Variants in PNPLA7 observed in about 807,000 individuals in gnomAD.
PNPLA7 encodes the protein patatin-like phospholipase domain-containing protein 7.
Under a neutral mutation model 161.7 loss-of-function variants are expected in PNPLA7, and 153 were observed. That is an observed-to-expected ratio of 0.95 (90% CI 0.83 to 1.08). PNPLA7 has a LOEUF of 1.08. Among genes scored for constraint, PNPLA7 ranks in the 50% least tolerant of loss-of-function variants. The pLI is 0.00. For synonymous variants in PNPLA7, 809 were observed against 782.1 expected, an observed-to-expected ratio of 1.03 and a Z score of -0.57; for missense variants, 1,739 against 1,856.6, an observed-to-expected ratio of 0.94 and a Z score of 1.16.
At chr9:137,466,853 C>T (rs1246306443) in intron 26 of PNPLA7, among the ~76,000 whole-genome samples, 5 of 143,620 alleles carry the variant, frequency 3.5e-5, no homozygotes, top group South Asian at 2.3e-4. Flanking sequence ...ACCTCAGACC[C>T]GGGCACGGAT....
chr9:137,502,449 C>G (rs1180399489), intron 14 of PNPLA7, among the ~76,000 whole-genome samples: 5 of 150,614 alleles, frequency 3.3e-5, no homozygotes, highest in Non-Finnish European at 5.9e-5. Flanking sequence ...GAAATGACAT[C>G]ACATGTCGCC....
intron 4 of PNPLA7, among the ~76,000 whole-genome samples, chr9:137,545,919 C>G (rs1836492147): frequency 6.6e-6 from 1 of 152,102 alleles, no homozygotes; most frequent in Non-Finnish European, 1.5e-5. Context: ...ACTTAGCAGA[C>G]AGGGAAAGGG....
In PNPLA7 at chr9:137,463,505, T is replaced by C. The variant is rs764349757; in HGVS notation, c.3253A>G (p.Ser1085Gly). The C allele has an allele frequency of 1.9e-6, 3 of 1,587,986 alleles. No homozygotes were observed. Among genetic ancestry groups the C allele is most frequent in the Non-Finnish European group, 1.7e-6 (2 of 1,167,528 alleles). The change falls in exon 29 of 35, where the codon AGC becomes GGC. Residue 1085 changes from serine (S) to glycine (G), a missense_variant. This residue lies in a region of PNPLA7 where 703 missense variants were observed against 694.6 expected (regional missense o/e 1.01). Transcript: ENST00000406427. Reference protein sequence around the residue: ...DGSLWWYVRASMSLSGYMPPL... With the variant: ...DGSLWWYVRAGMSLSGYMPPL... ...GGCATGTAACCGGACAGGGACATGC[T>C]GGCACGCACGTACCACCACAGGGAG... is the stretch of plus-strand genomic sequence containing the variant.
At chr9:137,548,110 G>C (rs913451663) in intron 1 of PNPLA7, among the ~76,000 whole-genome samples, 3 of 152,226 alleles carry the variant, frequency 2.0e-5, no homozygotes, top group African/African-American at 7.2e-5. Flanking sequence ...CGGCCGAGAA[G>C]GCTCTGTGTC....
chr9:137,473,434 T>G (rs1205464023), intron 25 of PNPLA7, among the ~76,000 whole-genome samples: 2 of 152,092 alleles, frequency 1.3e-5, no homozygotes, highest in Non-Finnish European at 2.9e-5. Context: ...CTCAGAACAC[T>G]GGAATTAATA....
intron 26 of PNPLA7, among the ~76,000 whole-genome samples, chr9:137,465,045 C>T (rs557819939): frequency 2.6e-5 from 4 of 152,324 alleles, no homozygotes; most frequent in East Asian, 1.9e-4. Flanking sequence ...CTCAAACTAG[C>T]CTCAATGCCC....
intron 19 of PNPLA7, 68 bp downstream of exon 19, chr9:137,494,965 A>T: frequency 7.1e-7 from 1 of 1,408,096 alleles, no homozygotes; most frequent in East Asian, 2.3e-5. Context: ...CTCCGCCCTC[A>T]CCTGTTCCAT....
intron 32 of PNPLA7, 32 bp downstream of exon 32, chr9:137,461,899 G>A (rs573533710): frequency 2.0e-6 from 3 of 1,517,036 alleles, no homozygotes; most frequent in East Asian, 2.5e-5. Flanking sequence ...GCGGTCCGGG[G>A]AGCTGGGCGT....
In PNPLA7 at chr9:137,499,470, A is replaced by G. The variant is rs1285549450; in HGVS notation, c.1757+1221T>C. 6.6e-6 allele frequency among the ~76,000 whole-genome samples: 1 copy of G among 152,162 alleles called. No individual in the cohort carries two copies. On this transcript the variant is annotated intron_variant, in intron 16 of 34. Transcript: ENST00000406427. This position sits in a 1 kb window ranked among gnomAD's most constrained non-coding sequence, Gnocchi z 5.5. ...CGCCATCCGTCCTGATCTCCCTGGC[A>G]CTGATGTGGAGCAGCTGGGGATGCT...
In PNPLA7 at chr9:137,547,017, G is replaced by T; in HGVS notation, c.194-108C>A. On this transcript the variant is annotated intron_variant, in intron 3 of 34. Transcript: ENST00000406427. The surrounding 1 kb of genome is among the most constrained non-coding windows in gnomAD (Gnocchi z 4.6). ...ATACTCTCGTCCCTGCCAGTAACTG[G>T]CCATACTCAGACAGCATGAGGGAAG... The T allele has an allele frequency of 9.5e-7, 1 of 1,057,628 alleles. No individual in the cohort carries two copies. 65.5% of individuals were successfully genotyped at this position (1,057,628 alleles called of 1,614,324 possible). A position where few individuals can be genotyped will look rare whatever the true frequency, so the allele number is the denominator to read the frequency against.
At chr9:137,512,505 G>A (rs1169100700) in intron 12 of PNPLA7, among the ~76,000 whole-genome samples, 2 of 152,260 alleles carry the variant, frequency 1.3e-5, no homozygotes, top group Non-Finnish European at 2.9e-5. Context: ...GGTAACAAGA[G>A]GAGCATGAAC....
chr9:137,521,902 C>T (rs553399140), intron 9 of PNPLA7, among the ~76,000 whole-genome samples, 186 bp from the exon 10 acceptor site: 26 of 152,244 alleles, frequency 1.7e-4, no homozygotes, highest in African/African-American at 3.6e-4. Context: ...GTTCACATCA[C>T]GGGGAATGGG....
rs1228687981 is a variant in PNPLA7 at position 137,486,921 on chromosome 9, C to G, written c.2198-2185G>C. 6.6e-6 allele frequency among the ~76,000 whole-genome samples: 1 copy of G among 152,072 alleles called. No homozygotes were observed. Among genetic ancestry groups the G allele is most frequent in the Non-Finnish European group, 1.5e-5 (1 of 67,990 alleles). On this transcript the variant is annotated intron_variant, in intron 20 of 34. Coordinates refer to ENST00000406427, the MANE Select transcript of PNPLA7 (RefSeq NM_001098537.3). This position sits in a 1 kb window ranked among gnomAD's most constrained non-coding sequence, Gnocchi z 6.0. ...ACACCACACAGCTCTCTTCCTGGCC[C>G]CAAGGGTCCTGACCTCCTCAGGGAG...
Position 137,499,774 on chromosome 9 carries a change from T to A in PNPLA7, c.1757+917A>T, listed in dbSNP as rs1310901134. ...GGTGCCATTTGCTGGATTACAGGCGTGAGCCGCTGCACCCAGCCGACCTGT... is the reference window on the plus strand; with the variant it reads ...GGTGCCATTTGCTGGATTACAGGCGAGAGCCGCTGCACCCAGCCGACCTGT... On this transcript the variant is annotated intron_variant, in intron 16 of 34. Transcript: ENST00000406427. This position sits in a 1 kb window ranked among gnomAD's most constrained non-coding sequence, Gnocchi z 5.5. Among the ~76,000 whole-genome samples the A allele has an allele frequency of 6.6e-6, 1 of 152,232 alleles. No homozygotes were observed. Among genetic ancestry groups the A allele is most frequent in the Non-Finnish European group, 1.5e-5 (1 of 68,032 alleles).
intron 14 of PNPLA7, among the ~76,000 whole-genome samples, chr9:137,503,848 GGAAGAA>G (rs1300396958): frequency 2.1e-5 from 1 of 46,694 alleles, no homozygotes; most frequent in Non-Finnish European, 3.9e-5. Context: ...AGAAGAAGAA[GGAAGAA>G]GAAGAAGGAG....
chr9:137,495,862 G>A (rs1833028003), intron 18 of PNPLA7, among the ~76,000 whole-genome samples: 1 of 152,230 alleles, frequency 6.6e-6, no homozygotes. Flanking sequence ...GGATGGAGCT[G>A]GAACCACCAG....
intron 33 of PNPLA7, chr9:137,461,001 A>G: frequency 2.1e-6 from 1 of 467,890 alleles, no homozygotes; most frequent in East Asian, 4.1e-5. Flanking sequence ...TTGTCAGCCA[A>G]GCACCCTGAG....
At chr9:137,469,631 G>A (rs759929675) in intron 25 of PNPLA7, among the ~76,000 whole-genome samples, 10 of 152,094 alleles carry the variant, frequency 6.6e-5, no homozygotes, top group African/African-American at 1.4e-4. Flanking sequence ...ATGTCTGCTC[G>A]TCTAAATGTT....
intron 20 of PNPLA7, among the ~76,000 whole-genome samples, chr9:137,488,514 G>A (rs780183536): frequency 2.6e-5 from 4 of 152,196 alleles, no homozygotes; most frequent in African/African-American, 4.8e-5. Flanking sequence ...GGCAGCTCTC[G>A]CAAGACTCCA....
Sources: allele counts gnomAD v4.1 joint callset (sites outside exome capture counted in the v4.1 genomes callset), GRCh38; gene constraint gnomAD v4.1.1; regional missense constraint gnomAD v4.1.1; non-coding constraint Gnocchi (gnomAD v3.1); transcripts MANE v1.5; gene names NCBI Gene and HGNC (gene_info 2026-07-23, HGNC 2026-07-21).